F12: variants seen among roughly 807,000 people sequenced by gnomAD.
The protein encoded by F12 is Hageman factor.
F12 carries 70 observed loss-of-function variants against 74.8 expected under a neutral mutation model. The ratio of observed to expected loss-of-function variants is 0.94; its 90% CI spans 0.77 to 1.14. F12 has a LOEUF of 1.14. Ranked by LOEUF, F12 falls within the 50% of genes most tolerant of loss-of-function variation. The pLI, the probability that F12 is intolerant of heterozygous loss-of-function variation, is 0.00. For synonymous variants in F12, 373 were observed against 356.4 expected (o/e 1.05, Z -0.52); for missense variants, 811 against 835.7 (o/e 0.97, Z 0.36).
intron 2 of F12, 105 bp downstream of exon 2, chr5:177,408,941 C>A: frequency 7.4e-6 from 8 of 1,086,474 alleles, no homozygotes; most frequent in Non-Finnish European, 1.1e-5. Flanking sequence ...GGGCATAAGA[C>A]CTAGCACCAG....
At position 177,403,476 on chromosome 5, in the gene F12, C is replaced by A; in HGVS notation, c.1387+5G>T. 6.4e-7 allele frequency: 1 copy of A among 1,559,706 alleles called. No homozygotes were observed. Among genetic ancestry groups the A allele is most frequent in the Non-Finnish European group, 8.6e-7 (1 of 1,156,990 alleles). On this transcript the variant is annotated splice_donor_5th_base_variant and intron_variant, in intron 11 of 13. Transcript: ENST00000253496. Reference sequence around the variant, plus strand: ...TTCCCGTCCCCGCGGGGCGCCCCCACGCACCCAGGTCGTGCTGGTAGCTGA... The same window carrying A: ...TTCCCGTCCCCGCGGGGCGCCCCCAAGCACCCAGGTCGTGCTGGTAGCTGA...
intron 2 of F12, among the ~76,000 whole-genome samples, chr5:177,408,194 T>G (rs1235164259): frequency 6.6e-6 from 1 of 152,150 alleles, no homozygotes. Context: ...TAGCTGGGAC[T>G]ACTGGCGCAT....
Position 177,404,284 on chromosome 5 carries a change from C to T in F12, c.930G>A (p.Arg310=). The part of the protein sequence containing the change: ...QAAPPTPVSP[R]LHVPLMPAQP... The stretch of plus-strand genomic sequence containing the variant: ...GCGCGGGCATGAGTGGGACATGAAG[C>T]CTAGGGGACACCGGGGTCGGAGGCG... Residue 310 remains arginine, a synonymous_variant, in exon 9 of 14, where the codon AGG becomes AGA. Transcript: ENST00000253496. 3.1e-6 allele frequency: 5 copies of T among 1,600,816 alleles called. No homozygotes were observed. Among genetic ancestry groups the T allele is most frequent in the Non-Finnish European group, 4.3e-6 (5 of 1,173,340 alleles).
At position 177,404,221 on chromosome 5, in the gene F12, G is replaced by T; in HGVS notation, c.993C>A (p.Thr331=). Reference sequence around the variant, plus strand: ...CTCCCGGGGTCTGGGACTGAGGCGGGGTCCGGGTCGTGGGCTGAGGCTTCG... The same window carrying T: ...CTCCCGGGGTCTGGGACTGAGGCGGTGTCCGGGTCGTGGGCTGAGGCTTCG... The part of the protein sequence containing the change: ...APPKPQPTTR[T]PPQSQTPGAL... Residue 331 remains threonine (T), a synonymous_variant, in exon 9 of 14, where the codon ACC becomes ACA. Coordinates refer to ENST00000253496, the MANE Select transcript of F12 (RefSeq NM_000505.4). The T allele has an allele frequency of 6.2e-7, 1 of 1,602,566 alleles. No individual in the cohort carries two copies. The highest frequency in any genetic ancestry group is 8.5e-7 in the Non-Finnish European group (1 of 1,173,054).
At chr5:177,403,154 T>C in intron 12 of F12, 100 bp downstream of exon 12, 1 of 1,522,776 alleles carries the variant, frequency 6.6e-7, no homozygotes, top group Non-Finnish European at 9.0e-7. Context: ...CCACCCATTC[T>C]GTAGGCACCC....
rs1763273672 is a variant in F12, at chr5:177,405,746, T to C, written c.275A>G (p.Lys92Arg). 1.9e-6 allele frequency: 3 copies of C among 1,614,190 alleles called. No homozygotes were observed. The highest frequency in any genetic ancestry group is 2.2e-5 in the South Asian group (2 of 91,080). The change falls in exon 4 of 14, where the codon AAG (lysine) becomes AGG (arginine). Residue 92 changes from lysine to arginine, a missense_variant. By Grantham distance (26) the Lys-to-Arg change is conservative. Coordinates refer to ENST00000253496, the MANE Select transcript of F12 (RefSeq NM_000505.4). ...DQRWGYCLEP[K>R]KVKDHCSKHS... ...GCTGTGTGTAGCACCTTTCACTTTC[T>C]TGGGCTCCAAACAGTATCCCCATCG...
At chr5:177,404,146 A>G (rs1281944108) in intron 9 of F12, 50 bp downstream of exon 9, 3 of 1,582,408 alleles carry the variant, frequency 1.9e-6, no homozygotes, top group South Asian at 2.3e-5. Context: ...GCCGGAATCT[A>G]GCTCGCCCGG....
chr5:177,406,529 T>C (rs1215956317), intron 2 of F12, among the ~76,000 whole-genome samples: 1 of 151,852 alleles, frequency 6.6e-6, no homozygotes, highest in African/African-American at 2.4e-5. Flanking sequence ...GTCAGATAGC[T>C]GGAGTAGACT....
chr5:177,404,137 C>A (rs1763220381), intron 9 of F12, 47 bp from the exon 10 acceptor site: 1 of 1,585,968 alleles, frequency 6.3e-7, no homozygotes, highest in Non-Finnish European at 8.6e-7. Flanking sequence ...GGCCGGCTGG[C>A]CGGAATCTAG....
chr5:177,407,518 C>T (rs967207825), intron 2 of F12, among the ~76,000 whole-genome samples: 2 of 152,184 alleles, frequency 1.3e-5, no homozygotes, highest in Non-Finnish European at 2.9e-5. Context: ...GGCGCGGTGG[C>T]TCACGCCTGT....
chr5:177,403,406 G>A lies in F12; in HGVS notation c.1388-9C>T. 6.3e-7 allele frequency: 1 copy of A among 1,591,162 alleles called. No homozygotes were observed. On this transcript the variant is annotated splice_polypyrimidine_tract_variant and intron_variant, in intron 11 of 13. Coordinates refer to ENST00000253496, the MANE Select transcript of F12 (RefSeq NM_000505.4). ...CTGAAGGCGCAACAGAGCTAACCCG[G>A]GCGGAGAGGAGCGTGAGGCGGGGAC...
Position 177,402,294 on chromosome 5 carries a change from A to C in F12, c.1846T>G (p.Ter616GlyextTer11). 1 of 1,613,692 alleles carries C rather than the reference A, an allele frequency of 6.2e-7. No homozygotes were observed. Among genetic ancestry groups the C allele is most frequent in the South Asian group, 1.1e-5 (1 of 91,042 alleles). Reference sequence around the variant, plus strand: ...GGGAAAGATGAGTCCCTGAGCAATCAGGAAACGGTGTGCTCCCGGATCCAG... The same window carrying C: ...GGGAAAGATGAGTCCCTGAGCAATCCGGAAACGGTGTGCTCCCGGATCCAG... ...LAWIREHTVS[*>G] The change falls in exon 14 of 14, where the codon TGA (stop) becomes GGA (glycine). Residue 616 changes from the stop codon to glycine (G), a stop_lost. Coordinates refer to ENST00000253496, the MANE Select transcript of F12 (RefSeq NM_000505.4).
Position 177,409,516 on chromosome 5 carries a change from C to T in F12, c.12G>A (p.Leu4=). ...TCACCAGCAGGAACCCCAGGAGCAG[C>T]AGAGCCCTCATGGCATCCGTCCGTT... MRA[L]LLLGFLLVSL... The change falls in exon 1 of 14, where the codon CTG becomes CTA. Residue 4 remains leucine, a synonymous_variant. Transcript: ENST00000253496. The T allele has an allele frequency of 6.2e-7, 1 of 1,614,156 alleles. No homozygotes were observed. The highest frequency in any genetic ancestry group is 8.5e-7 in the Non-Finnish European group (1 of 1,180,022).
At chr5:177,406,473 AG>A (rs1457162598) in intron 2 of F12, among the ~76,000 whole-genome samples, 4 of 151,754 alleles carry the variant, frequency 2.6e-5, no homozygotes, top group Admixed American at 6.6e-5. Flanking sequence ...TGGGTGACAG[AG>A]TGAGACTCCA....
Position 177,404,306 on chromosome 5 carries a change from G to A in F12, c.908C>T (p.Pro303Leu). The A allele has an allele frequency of 6.2e-7, 1 of 1,601,684 alleles. No individual in the cohort carries two copies. Among genetic ancestry groups the A allele is most frequent in the Non-Finnish European group, 8.5e-7 (1 of 1,173,672 alleles). ...AQCQTPTQAA[P>L]PTPVSPRLHV... The stretch of plus-strand genomic sequence containing the variant: ...AAGCCTAGGGGACACCGGGGTCGGA[G>A]GCGCCGCCTGGGTTGGGGTCTGGCA... Residue 303 changes from proline to leucine, a missense_variant, in exon 9 of 14, where the codon CCT becomes CTT. Coordinates refer to ENST00000253496, the MANE Select transcript of F12 (RefSeq NM_000505.4).
chr5:177,409,424 A>AC, intron 1 of F12, 47 bp downstream of exon 1: 1 of 1,601,272 alleles, frequency 6.2e-7, no homozygotes, highest in Non-Finnish European at 8.5e-7. Context: ...TGTGATAGCG[A>AC]CCCCCCAGAA....
Position 177,405,823 on chromosome 5 carries a change from G to C in F12, c.216-18C>G, listed in dbSNP as rs1303571184. On this transcript the variant is annotated intron_variant, in intron 3 of 13. Transcript: ENST00000253496. Reference sequence around the variant, plus strand: ...TAGCACACCTGTAGAAAGAGACAAGGCTTCCCTGCTCTACCCAGGGGCCTG... The same window carrying C: ...TAGCACACCTGTAGAAAGAGACAAGCCTTCCCTGCTCTACCCAGGGGCCTG... 3 of 1,613,940 alleles carry C rather than the reference G, an allele frequency of 1.9e-6. No individual in the cohort carries two copies. The highest frequency in any genetic ancestry group is 2.2e-5 in the East Asian group (1 of 44,868).
intron 4 of F12, 47 bp downstream of exon 4, chr5:177,405,688 G>C (rs1207971375): frequency 6.4e-7 from 1 of 1,572,198 alleles, no homozygotes; most frequent in East Asian, 2.2e-5. Flanking sequence ...AGAGTAATGA[G>C]GCGGGAGGAG....
At chr5:177,405,030 G>T in intron 6 of F12, 24 bp downstream of exon 6, 1 of 1,609,170 alleles carries the variant, frequency 6.2e-7, no homozygotes, top group Non-Finnish European at 8.5e-7. Flanking sequence ...CTCCTCCCTG[G>T]CCCGTTCCCA....
Sources: allele counts gnomAD v4.1 joint callset (sites outside exome capture counted in the v4.1 genomes callset), GRCh38; gene constraint gnomAD v4.1.1; transcripts MANE v1.5; gene names NCBI Gene and HGNC (gene_info 2026-07-23, HGNC 2026-07-21).